TRAF3IP2: variants seen among roughly 807,000 people sequenced by gnomAD.
TRAF3IP2 encodes the protein TRAF3 interacting protein 2.
TRAF3IP2 carries 35 observed loss-of-function variants against 57.9 expected under a neutral mutation model. That is an observed-to-expected ratio of 0.60 (90% confidence interval 0.46 to 0.80). The LOEUF is 0.80. Ranked by LOEUF, TRAF3IP2 falls within the 30% of genes least tolerant of loss-of-function variation. TRAF3IP2 has a pLI of 0.00. For synonymous variants in TRAF3IP2, 251 were observed against 268.9 expected, an observed-to-expected ratio of 0.93 and a Z score of 0.65; for missense variants, 556 against 706.4, an observed-to-expected ratio of 0.79 and a Z score of 2.41.
intron 4 of TRAF3IP2, 80 bp from the exon 5 acceptor site, chr6:111,573,063 C>G: frequency 8.0e-6 from 9 of 1,121,844 alleles, no homozygotes; most frequent in Non-Finnish European, 1.2e-5. Context: ...TATGCAATAT[C>G]TTTTGTCCTT....
At chr6:111,568,133 T>G (rs566768644) in intron 5 of TRAF3IP2, among the ~76,000 whole-genome samples, 1 of 152,362 alleles carries the variant, frequency 6.6e-6, no homozygotes, top group South Asian at 2.1e-4. Context: ...GGTGCTTTAC[T>G]TGCATTAGTG....
rs1252352950 is a variant in TRAF3IP2 at position 111,556,237 on chromosome 6, T to C, written c.*3168A>G. ...GCGTGTGTGTGTGTGTGTCTGTGTG[T>C]ACTTTTTGGTTTGTTTTTTTGCTAC... On this transcript the variant is annotated 3_prime_UTR_variant, in exon 9 of 9. Coordinates refer to ENST00000368761, the MANE Select transcript of TRAF3IP2 (RefSeq NM_147686.4). Among the ~76,000 whole-genome samples, 3 of 152,080 alleles carry C rather than the reference T, an allele frequency of 2.0e-5. No homozygotes were observed. The highest frequency in any genetic ancestry group is 4.4e-5 in the Non-Finnish European group (3 of 67,986).
At chr6:111,586,661 A>G (rs1796347717) in intron 2 of TRAF3IP2, among the ~76,000 whole-genome samples, 5 of 152,186 alleles carry the variant, frequency 3.3e-5, no homozygotes, top group Admixed American at 3.3e-4. Context: ...TAAGGAAGTA[A>G]TGCTCTTCTA....
In TRAF3IP2 at chr6:111,558,102, A is replaced by T. The variant is rs1795307199; in HGVS notation, c.*1303T>A. The stretch of plus-strand genomic sequence containing the variant: ...GAGAGACATAATTATGAAAATGAAA[A>T]CTCAGTCACTCCTCAAAAGAGTATT... On this transcript the variant is annotated 3_prime_UTR_variant, in exon 9 of 9. Transcript: ENST00000368761. 1 of 152,110 alleles carries T rather than the reference A, an allele frequency of 6.6e-6. No homozygotes were observed. The highest frequency in any genetic ancestry group is 2.4e-5 in the African/African-American group (1 of 41,432). The allele number at this position is 152,110 out of a possible 1,614,324, so 9.4% of individuals were successfully genotyped here. A position where few individuals can be genotyped will look rare whatever the true frequency, so the allele number is the denominator to read the frequency against.
At chr6:111,599,066 A>ATTTTTTTT (rs1017585005) in intron 1 of TRAF3IP2, among the ~76,000 whole-genome samples, 1 of 129,052 alleles carries the variant, frequency 7.7e-6, no homozygotes. Context: ...CACCTGGTTA[A>ATTTTTTTT]TTTTTTTTTT....
At chr6:111,602,385 CAT>C (rs1796900715) in intron 1 of TRAF3IP2, 1 of 150,262 alleles carries the variant, frequency 6.7e-6, no homozygotes, top group African/African-American at 2.5e-5. Context: ...TCTCTAAGCA[CAT>C]GTGTGATCCC....
At chr6:111,579,626 G>A (rs1287186424) in intron 3 of TRAF3IP2, among the ~76,000 whole-genome samples, 1 of 152,130 alleles carries the variant, frequency 6.6e-6, no homozygotes, top group Non-Finnish European at 1.5e-5. Flanking sequence ...CAGCTACTTA[G>A]GAGGCTGAGG....
chr6:111,601,545 G>C (rs969383147), intron 1 of TRAF3IP2: 1 of 234,986 alleles, frequency 4.3e-6, no homozygotes, highest in Non-Finnish European at 8.3e-6. Context: ...GCAAGGAACA[G>C]AGGAAGGACA....
chr6:111,570,674 A>G (rs182463330), intron 5 of TRAF3IP2, among the ~76,000 whole-genome samples: 3 of 152,346 alleles, frequency 2.0e-5, no homozygotes, highest in Non-Finnish European at 2.9e-5. Context: ...GGCAATCAGT[A>G]TGTGTCTTTG....
chr6:111,572,940 C>T lies in TRAF3IP2; in HGVS notation c.1245G>A (p.Val415=), dbSNP rs759181789. ...ITYSMDTAME[V]VKFVNFLLVN... is the part of the protein sequence containing the mutation. The stretch of plus-strand genomic sequence containing the variant: ...CCAACAAAAAGTTCACGAATTTCAC[C>T]ACCTCCATAGCTGTGTCCATCGAAT... Residue 415 remains valine (V), a synonymous_variant, in exon 5 of 9, where the codon GTG becomes GTA. Coordinates refer to ENST00000368761, the MANE Select transcript of TRAF3IP2 (RefSeq NM_147686.4). The T allele has an allele frequency of 1.9e-6, 3 of 1,613,946 alleles. No individual in the cohort carries two copies. The highest frequency in any genetic ancestry group is 2.5e-6 in the Non-Finnish European group (3 of 1,180,006).
chr6:111,595,710 C>T (rs1314871362), intron 1 of TRAF3IP2, among the ~76,000 whole-genome samples: 2 of 152,038 alleles, frequency 1.3e-5, no homozygotes, highest in Non-Finnish European at 2.9e-5. Flanking sequence ...CACCTGTAAT[C>T]CCAGCTACTC....
intron 1 of TRAF3IP2, among the ~76,000 whole-genome samples, chr6:111,602,679 G>A (rs1257103327): frequency 5.9e-5 from 9 of 152,134 alleles, no homozygotes; most frequent in African/African-American, 2.2e-4. Context: ...TAAGCTGGGA[G>A]GCCAGGAAGA....
Position 111,580,298 on chromosome 6 carries a change from C to G in TRAF3IP2, c.921G>C (p.Leu307=). 6.2e-7 allele frequency: 1 copy of G among 1,612,044 alleles called. No homozygotes were observed. Among genetic ancestry groups the G allele is most frequent in the Non-Finnish European group, 8.5e-7 (1 of 1,179,472 alleles). The change falls in exon 3 of 9, where the codon CTG becomes CTC. Residue 307 remains leucine, a synonymous_variant. Coordinates refer to ENST00000368761, the MANE Select transcript of TRAF3IP2 (RefSeq NM_147686.4). ...TCAGGATAACCTTCTGCACAGGGTGCAGGCCTCTCACACTGGCTCCAGGCA... is the reference window on the plus strand; with the variant it reads ...TCAGGATAACCTTCTGCACAGGGTGGAGGCCTCTCACACTGGCTCCAGGCA... ...QPLPGASVRG[L]HPVQKVILNY... is the part of the protein sequence containing the mutation.
At chr6:111,604,551 C>T (rs1243517560) in intron 1 of TRAF3IP2, among the ~76,000 whole-genome samples, 3 of 152,276 alleles carry the variant, frequency 2.0e-5, no homozygotes, top group African/African-American at 7.2e-5. Flanking sequence ...TCCCTGTTTT[C>T]TCCTATTTGG....
intron 5 of TRAF3IP2, among the ~76,000 whole-genome samples, chr6:111,569,633 G>A (rs1201470853): frequency 6.6e-6 from 1 of 152,166 alleles, no homozygotes; most frequent in Non-Finnish European, 1.5e-5. Context: ...GCAGGTGCCT[G>A]TAATCCCAGT....
intron 4 of TRAF3IP2, among the ~76,000 whole-genome samples, chr6:111,573,364 AAAG>A (rs1008161483): frequency 7.2e-5 from 11 of 152,236 alleles, no homozygotes; most frequent in Non-Finnish European, 1.2e-4. Context: ...CCCAGCAGGC[AAAG>A]AAGCTAAAAC....
Position 111,557,193 on chromosome 6 carries a change from TA to T in TRAF3IP2, c.*2211del, listed in dbSNP as rs1795267384. 6.6e-6 allele frequency: 1 copy of T among 151,946 alleles called. No individual in the cohort carries two copies. Among genetic ancestry groups the T allele is most frequent in the African/African-American group, 2.4e-5 (1 of 41,368 alleles). 9.4% of individuals were successfully genotyped at this position (151,946 alleles called of 1,614,324 possible). ...CACAAGTGAGCCTTGTTTAAGAGGC[TA>T]GTAGATAAAGAAGGGAAGCAGTAGC... On this transcript the variant is annotated 3_prime_UTR_variant, in exon 9 of 9. Coordinates refer to ENST00000368761, the MANE Select transcript of TRAF3IP2 (RefSeq NM_147686.4).
Position 111,575,759 on chromosome 6 carries a change from G to C in TRAF3IP2, c.1085C>G (p.Pro362Arg), listed in dbSNP as rs1489109910. The change falls in exon 4 of 9, where the codon CCT becomes CGT. Residue 362 changes from proline to arginine, a missense_variant. Pro to Arg is a moderately radical substitution (Grantham distance 103). This residue lies in a region of TRAF3IP2 where 428 missense variants were observed against 498.7 expected (regional missense o/e 0.86). Coordinates refer to ENST00000368761, the MANE Select transcript of TRAF3IP2 (RefSeq NM_147686.4). ...GGGAACCTGTGGTCTCAGCTCTGCAGGGCACTCCAAGGACTCCCCAGGAGC... is the reference window on the plus strand; with the variant it reads ...GGGAACCTGTGGTCTCAGCTCTGCACGGCACTCCAAGGACTCCCCAGGAGC... The part of the protein sequence containing the change: ...AGAPGESLEC[P>R]AELRPQVPQP... 6.2e-7 allele frequency: 1 copy of C among 1,611,836 alleles called. No individual in the cohort carries two copies. The highest frequency in any genetic ancestry group is 1.7e-5 in the Admixed American group (1 of 59,294).
chr6:111,601,337 T>A (rs531573217), intron 1 of TRAF3IP2: 3 of 594,834 alleles, frequency 5.0e-6, no homozygotes, highest in Admixed American at 5.3e-5. Flanking sequence ...GAGAAAAGCA[T>A]TTGACTGGAT....
Sources: allele counts gnomAD v4.1 joint callset (sites outside exome capture counted in the v4.1 genomes callset), GRCh38; gene constraint gnomAD v4.1.1; regional missense constraint gnomAD v4.1.1; transcripts MANE v1.5; gene names NCBI Gene and HGNC (gene_info 2026-07-23, HGNC 2026-07-21).